The following GRK5 variants were observed in gnomAD, a reference collection of about 807,000 sequenced individuals.
GRK5 encodes the protein g protein-coupled receptor kinase GRK5.
A neutral mutation model predicts 78.4 loss-of-function variants in GRK5; 40 were observed. That is an observed-to-expected ratio of 0.51 (90% CI 0.40 to 0.66). The LOEUF (loss-of-function observed/expected upper bound fraction) is 0.66. GRK5 is among the 30% of genes least tolerant of loss of function. The pLI, the probability that GRK5 is intolerant of heterozygous loss-of-function variation, is 0.00. For missense variants in GRK5, 598 were observed against 759.9 expected, an observed-to-expected ratio of 0.79 and a Z score of 2.50; for synonymous variants, 289 against 296.8, an observed-to-expected ratio of 0.97 and a Z score of 0.27.
At chr10:119,417,961 G>A (rs1852495501) in intron 4 of GRK5, among the ~76,000 whole-genome samples, 1 of 152,204 alleles carries the variant, frequency 6.6e-6, no homozygotes, top group African/African-American at 2.4e-5. Context: ...ATCAGGAACT[G>A]CCCGGATCCC....
chr10:119,425,978 G>T (rs556885194), intron 6 of GRK5, among the ~76,000 whole-genome samples: 1 of 152,206 alleles, frequency 6.6e-6, no homozygotes, highest in Admixed American at 6.5e-5. Flanking sequence ...TTTGCAGAGC[G>T]GGGCGATGCC....
intron 1 of GRK5, among the ~76,000 whole-genome samples, chr10:119,290,711 T>A (rs1469765651): frequency 6.6e-6 from 1 of 151,936 alleles, no homozygotes; most frequent in Non-Finnish European, 1.5e-5. Flanking sequence ...TCCGAGTCCC[T>A]CTGAGACATC....
At chr10:119,427,392 G>T (rs1589804320) in intron 6 of GRK5, among the ~76,000 whole-genome samples, 1 of 134,966 alleles carries the variant, frequency 7.4e-6, no homozygotes, top group South Asian at 2.4e-4. Flanking sequence ...ACCATCATCA[G>T]CATCACTGCC....
chr10:119,255,704 T>C (rs1180843663), intron 1 of GRK5, among the ~76,000 whole-genome samples: 9 of 152,218 alleles, frequency 5.9e-5, no homozygotes, highest in Non-Finnish European at 1.3e-4. Flanking sequence ...CTGGTGTGTT[T>C]TCTGCCCATT....
intron 2 of GRK5, among the ~76,000 whole-genome samples, chr10:119,337,400 A>C (rs528203194): frequency 6.6e-6 from 1 of 152,160 alleles, no homozygotes; most frequent in East Asian, 1.9e-4. Flanking sequence ...ATTGTCTCAC[A>C]GTTCTGGAGG....
Position 119,431,040 on chromosome 10 carries a change from T to C in GRK5, c.598-347T>C, listed in dbSNP as rs1221615428. Among the ~76,000 whole-genome samples, 3 of 152,182 alleles carry C rather than the reference T, an allele frequency of 2.0e-5. No individual in the cohort carries two copies. Among genetic ancestry groups the C allele is most frequent in the African/African-American group, 7.2e-5 (3 of 41,444 alleles). ...CCTATCACTGCCTCCCAAAACAAAC[T>C]TCTCTACCGGCAGCCGGTAGGAGAA... On this transcript the variant is annotated intron_variant, in intron 7 of 15. Transcript: ENST00000392870. The surrounding 1 kb of genome is among the most constrained non-coding windows in gnomAD (Gnocchi z 4.8).
At chr10:119,334,148 A>G (rs559553813) in intron 2 of GRK5, among the ~76,000 whole-genome samples, 1 of 152,226 alleles carries the variant, frequency 6.6e-6, no homozygotes, top group African/African-American at 2.4e-5. Flanking sequence ...GAGCATTGAG[A>G]CAGATTCCTA....
At chr10:119,325,375 G>A (rs10886460) in intron 1 of GRK5, among the ~76,000 whole-genome samples, 6,803 of 152,254 alleles carry the variant, frequency 0.045, 256 homozygotes, top group East Asian at 0.2. Context: ...GAGAGGGCTG[G>A]AGCTGAGTGC....
At chr10:119,251,182 T>C (rs1460807725) in intron 1 of GRK5, among the ~76,000 whole-genome samples, 1 of 152,158 alleles carries the variant, frequency 6.6e-6, no homozygotes, top group African/African-American at 2.4e-5. Context: ...TTTAAAACTC[T>C]GAATCTTAAT....
chr10:119,442,457 G>A (rs182757892), intron 11 of GRK5, among the ~76,000 whole-genome samples: 6 of 152,324 alleles, frequency 3.9e-5, no homozygotes, highest in East Asian at 3.9e-4. Context: ...ACAAGAGCCC[G>A]CAAATGAGAG....
At chr10:119,262,779 A>C (rs951142281) in intron 1 of GRK5, among the ~76,000 whole-genome samples, 1 of 152,186 alleles carries the variant, frequency 6.6e-6, no homozygotes, top group Non-Finnish European at 1.5e-5. Flanking sequence ...CAGGGTTCCT[A>C]CTCAAGCTAT....
chr10:119,442,257 G>A (rs1399142577), intron 11 of GRK5, among the ~76,000 whole-genome samples, 169 bp downstream of exon 11: 1 of 152,240 alleles, frequency 6.6e-6, no homozygotes, highest in African/African-American at 2.4e-5. Context: ...TAGCCAGGGG[G>A]AGGGGGAGCA....
intron 2 of GRK5, chr10:119,333,388 G>T (rs1007252191): frequency 5.3e-6 from 1 of 187,786 alleles, no homozygotes; most frequent in Non-Finnish European, 1.1e-5. Context: ...GGCTCCTGGG[G>T]CAGGTTGGTT....
intron 3 of GRK5, among the ~76,000 whole-genome samples, chr10:119,394,442 GT>G (rs1851981628): frequency 1.1e-3 from 1 of 926 alleles, no homozygotes; most frequent in Admixed American, 0.014. Context: ...GTATGGGTGT[GT>G]GTATCTGCTT....
Position 119,267,488 on chromosome 10 carries a change from G to C in GRK5, c.53-59028G>C, listed in dbSNP as rs969215596. On this transcript the variant is annotated intron_variant, in intron 1 of 15. Coordinates refer to ENST00000392870, the MANE Select transcript of GRK5 (RefSeq NM_005308.3). The surrounding 1 kb of genome is among the most constrained non-coding windows in gnomAD (Gnocchi z 4.1). The stretch of plus-strand genomic sequence containing the variant: ...GGTCATAACAGGGCCTTGGGCAGCA[G>C]ACTCCTCACCGTGGCCAGGCAAGGG... Among the ~76,000 whole-genome samples the C allele has an allele frequency of 3.3e-5, 5 of 152,200 alleles. No individual in the cohort carries two copies. Among genetic ancestry groups the C allele is most frequent in the African/African-American group, 4.8e-5 (2 of 41,452 alleles).
At chr10:119,405,563 A>G (rs964621564) in intron 4 of GRK5, among the ~76,000 whole-genome samples, 2 of 107,530 alleles carry the variant, frequency 1.9e-5, no homozygotes, top group African/African-American at 3.6e-5. Flanking sequence ...CTGGCTCCCC[A>G]CCCCCACCCA....
In GRK5 at chr10:119,397,720, C is replaced by T. The variant is rs576657255; in HGVS notation, c.339+948C>T. ...CCATCAGTCCCCTCAACCTCCTGCA[C>T]CTCTTGCACCAAATGTAGCCCTCGT... On this transcript the variant is annotated intron_variant, in intron 4 of 15. Coordinates refer to ENST00000392870, the MANE Select transcript of GRK5 (RefSeq NM_005308.3). Among the ~76,000 whole-genome samples, 43 of 152,358 alleles carry T rather than the reference C, an allele frequency of 2.8e-4. No individual in the cohort carries two copies. The South Asian group carries it at 8.7e-3, about 31-fold the overall frequency.
At chr10:119,231,961 C>T (rs773422848) in intron 1 of GRK5, among the ~76,000 whole-genome samples, 7 of 152,172 alleles carry the variant, frequency 4.6e-5, no homozygotes, top group Non-Finnish European at 1.0e-4. Flanking sequence ...CCATATGATC[C>T]AGCAATCTCA....
At chr10:119,375,165 A>T (rs1851603224) in intron 2 of GRK5, among the ~76,000 whole-genome samples, 1 of 151,980 alleles carries the variant, frequency 6.6e-6, no homozygotes, top group Non-Finnish European at 1.5e-5. Flanking sequence ...GTGACATCCT[A>T]TGGTGGTCTC....
Sources: gnomAD v4.1 joint callset for allele counts (sites outside exome capture counted in the v4.1 genomes callset) on GRCh38, gnomAD v4.1.1 for gene constraint, Gnocchi (gnomAD v3.1) non-coding constraint, MANE v1.5 for transcripts, NCBI Gene and HGNC (gene_info 2026-07-23, HGNC 2026-07-21) for gene names.